Variants in SSH2 observed in about 807,000 individuals in gnomAD.
SSH2 encodes slingshot protein phosphatase 2, also known as protein phosphatase Slingshot homolog 2.
In SSH2, 37 loss-of-function variants were observed where a neutral mutation model predicts 135.2. The ratio of observed to expected loss-of-function variants is 0.27; its 90% CI spans 0.21 to 0.36. The LOEUF is 0.36. Among genes scored for constraint, SSH2 ranks in the 10% least tolerant of loss-of-function variants. The pLI is 1.00. For synonymous variants in SSH2, 628 were observed against 646.2 expected (o/e 0.97, Z 0.43); for missense variants, 1,408 against 1,765.3 (o/e 0.80, Z 3.63).
At chr17:29,809,362 T>C (rs1417040776) in intron 2 of SSH2, among the ~76,000 whole-genome samples, 3 of 152,210 alleles carry the variant, frequency 2.0e-5, no homozygotes, top group Non-Finnish European at 4.4e-5. Context: ...CACAAGTATT[T>C]TCTTTTACCC....
chr17:29,641,323 C>T (rs1041900287), intron 14 of SSH2, among the ~76,000 whole-genome samples: 1 of 152,186 alleles, frequency 6.6e-6, no homozygotes, highest in African/African-American at 2.4e-5. Context: ...TGTATTAGAT[C>T]ATATCTATTA....
chr17:29,807,941 C>G (rs2042376557), intron 2 of SSH2, among the ~76,000 whole-genome samples: 1 of 150,340 alleles, frequency 6.7e-6, no homozygotes, highest in South Asian at 2.1e-4. Flanking sequence ...AACTATGGGC[C>G]TCCACTAGAG....
chr17:29,831,918 C>T (rs1568001174), intron 2 of SSH2, among the ~76,000 whole-genome samples: 1 of 151,974 alleles, frequency 6.6e-6, no homozygotes, highest in East Asian at 1.9e-4. Context: ...TGTTTTCATT[C>T]TTCTTTTGTT....
rs144928969 is a variant in SSH2, at chr17:29,690,303, G to T, written c.357+5156C>A. Among the ~76,000 whole-genome samples the T allele has an allele frequency of 8.8e-4, 133 of 151,954 alleles. No homozygotes were observed. The East Asian group carries it at 0.023, about 26-fold the overall frequency. ...GCCGGTAATCCCAGCTACTCAGGAG[G>T]CTGAGGCAGGAGAATCGCTTGAACC... On this transcript the variant is annotated intron_variant, in intron 5 of 15. Transcript: ENST00000540801.
At chr17:29,694,771 G>A (rs973466474) in intron 5 of SSH2, among the ~76,000 whole-genome samples, 17 of 152,092 alleles carry the variant, frequency 1.1e-4, no homozygotes, top group African/African-American at 3.6e-4. Flanking sequence ...CAAACAAAAT[G>A]TATCTCTGGC....
chr17:29,652,958 CTTATT>C (rs1402498784), intron 12 of SSH2, among the ~76,000 whole-genome samples: 3 of 152,086 alleles, frequency 2.0e-5, no homozygotes, highest in Admixed American at 6.6e-5. Context: ...GCCCGGCCTC[CTTATT>C]TTATTTAAAA....
At chr17:29,676,617 A>G (rs2037732501) in intron 8 of SSH2, 1 of 496,154 alleles carries the variant, frequency 2.0e-6, no homozygotes, top group Non-Finnish European at 3.7e-6. Context: ...ATTCCTCTGA[A>G]TTTCACTTGT....
intron 1 of SSH2, among the ~76,000 whole-genome samples, chr17:29,880,615 A>G (rs1374236107): frequency 6.6e-6 from 1 of 152,198 alleles, no homozygotes; most frequent in Non-Finnish European, 1.5e-5. Flanking sequence ...CCCAATTCAT[A>G]TATTCATGCT....
intron 3 of SSH2, among the ~76,000 whole-genome samples, chr17:29,731,146 G>T (rs1052872662): frequency 1.1e-4 from 17 of 152,140 alleles, no homozygotes; most frequent in African/African-American, 4.1e-4. Flanking sequence ...TGAGATAAGG[G>T]TAGTATCTCA....
intron 5 of SSH2, among the ~76,000 whole-genome samples, chr17:29,692,324 GT>G (rs2038520809): frequency 6.6e-6 from 1 of 152,092 alleles, no homozygotes; most frequent in African/African-American, 2.4e-5. Context: ...TTTGTCCAAA[GT>G]CATACAATGC....
chr17:29,774,427 G>T (rs1196766981), intron 3 of SSH2, among the ~76,000 whole-genome samples: 1 of 152,072 alleles, frequency 6.6e-6, no homozygotes. Flanking sequence ...ACCATGCCTG[G>T]CTAATTTTGT....
In SSH2 at chr17:29,631,725, C is replaced by T. The variant is rs368474590; in HGVS notation, c.3469G>A (p.Asp1157Asn). The T allele has an allele frequency of 1.2e-4, 192 of 1,614,068 alleles. No individual in the cohort carries two copies. The highest frequency in any genetic ancestry group is 1.6e-4 in the Middle Eastern group (1 of 6,084). ...ACCATAGTCTGGGGATGCAGGTAAT[C>T]CAAACTGGCAGACAGTAAATGGGTT... ...HTTHLLSASL[D>N]YLHPQTMVHL... is the part of the protein sequence containing the mutation. Residue 1157 changes from aspartate (D) to asparagine (N), a missense_variant, in exon 16 of 16, where the codon GAT becomes AAT. Asp to Asn is a conservative substitution (Grantham distance 23, BLOSUM62 1). This residue lies in a region of SSH2 where 1,080 missense variants were observed against 1,144.5 expected (regional missense o/e 0.94). Transcript: ENST00000540801.
chr17:29,766,783 G>A (rs937455310), intron 3 of SSH2, among the ~76,000 whole-genome samples: 2 of 152,050 alleles, frequency 1.3e-5, no homozygotes, highest in Non-Finnish European at 1.5e-5. Flanking sequence ...TTAATCCCCT[G>A]AGTATCAAAA....
rs985850570 is a variant in SSH2, at chr17:29,915,332, T to C, written c.63+14606A>G. Reference sequence around the variant, plus strand: ...AATGCATCTAAGAGCAGCATTCAATTTCAACTGCCAACTGCTCGTAATAGC... The same window carrying C: ...AATGCATCTAAGAGCAGCATTCAATCTCAACTGCCAACTGCTCGTAATAGC... On this transcript the variant is annotated intron_variant, in intron 1 of 15. Coordinates refer to ENST00000540801, the MANE Select transcript of SSH2 (RefSeq NM_001282129.2). 4.6e-5 allele frequency among the ~76,000 whole-genome samples: 7 copies of C among 152,220 alleles called. No individual in the cohort carries two copies. In the East Asian group the frequency reaches 1.3e-3, roughly 29 times the overall value.
chr17:29,866,935 C>G (rs527705568), intron 1 of SSH2, among the ~76,000 whole-genome samples: 1 of 152,038 alleles, frequency 6.6e-6, no homozygotes, highest in Non-Finnish European at 1.5e-5. Flanking sequence ...AGGGCTCACA[C>G]GATCCTTCCA....
intron 11 of SSH2, among the ~76,000 whole-genome samples, chr17:29,660,849 G>C (rs1330281019): frequency 6.6e-6 from 1 of 151,530 alleles, no homozygotes; most frequent in Non-Finnish European, 1.5e-5. Context: ...CTGAGGTCAG[G>C]AGTTTGAGAC....
At chr17:29,656,117 A>G (rs777832787) in intron 11 of SSH2, among the ~76,000 whole-genome samples, 3 of 152,184 alleles carry the variant, frequency 2.0e-5, no homozygotes, top group Non-Finnish European at 4.4e-5. Flanking sequence ...ACATTTGCTG[A>G]ATTTTTACAG....
At chr17:29,907,356 T>A (rs1424685393) in intron 1 of SSH2, among the ~76,000 whole-genome samples, 1 of 142,086 alleles carries the variant, frequency 7.0e-6, no homozygotes, top group Non-Finnish European at 1.5e-5. Flanking sequence ...CTGTTGGGGG[T>A]GGAGTGGGGG....
intron 3 of SSH2, among the ~76,000 whole-genome samples, chr17:29,764,143 GT>G (rs369060940): frequency 8.5e-5 from 13 of 152,118 alleles, no homozygotes; most frequent in African/African-American, 7.2e-5. Flanking sequence ...TAGAAACAGG[GT>G]TTCACCATGT....
Sources: allele counts gnomAD v4.1 joint callset (sites outside exome capture counted in the v4.1 genomes callset), GRCh38; gene constraint gnomAD v4.1.1; regional missense constraint gnomAD v4.1.1; transcripts MANE v1.5; gene names NCBI Gene and HGNC (gene_info 2026-07-23, HGNC 2026-07-21).